CEP112: variants seen among roughly 807,000 people sequenced by gnomAD.
CEP112 encodes centrosomal protein of 112 kDa.
A neutral mutation model predicts 153.0 loss-of-function variants in CEP112; 127 were observed. That is an observed-to-expected ratio of 0.83 (90% CI 0.72 to 0.96). CEP112 has a LOEUF of 0.96. Ranked by LOEUF, CEP112 falls within the 40% of genes least tolerant of loss-of-function variation. The probability of loss-of-function intolerance (pLI) is 0.00; values close to 1 mark genes in which losing one functional copy is unlikely to be tolerated. For missense variants in CEP112, 1,089 were observed against 1,101.2 expected, an observed-to-expected ratio of 0.99 and a Z score of 0.16; for synonymous variants, 358 against 374.4, an observed-to-expected ratio of 0.96 and a Z score of 0.51.
At chr17:66,168,427 A>G (rs567402110) in intron 4 of CEP112, among the ~76,000 whole-genome samples, 32 of 150,560 alleles carry the variant, frequency 2.1e-4, no homozygotes, top group Admixed American at 1.1e-3. Context: ...GTGTGTGTAT[A>G]TATATGTATA....
intron 17 of CEP112, among the ~76,000 whole-genome samples, chr17:65,991,696 T>G (rs2063601073): frequency 6.6e-6 from 1 of 152,158 alleles, no homozygotes; most frequent in Non-Finnish European, 1.5e-5. Context: ...TGTTTACTAT[T>G]CAAGTTTGCA....
At chr17:65,712,548 G>C (rs924234314) in intron 23 of CEP112, among the ~76,000 whole-genome samples, 3 of 151,366 alleles carry the variant, frequency 2.0e-5, no homozygotes, top group Non-Finnish European at 2.9e-5. Context: ...AGGGCTATTC[G>C]CGTCACTATC....
intron 23 of CEP112, 96 bp from the exon 24 acceptor site, chr17:65,689,314 T>TA (rs1398610539): frequency 1.8e-5 from 14 of 773,836 alleles, no homozygotes; most frequent in Non-Finnish European, 2.4e-5. Flanking sequence ...CTCAGATCTC[T>TA]AGTTTATTAC....
chr17:65,821,206 T>A (rs1598686332), intron 21 of CEP112, among the ~76,000 whole-genome samples: 1 of 151,858 alleles, frequency 6.6e-6, no homozygotes, highest in East Asian at 1.9e-4. Context: ...GGCTATGTAA[T>A]TACTGAAATT....
rs1381903623 is a variant in CEP112, at chr17:65,813,020, G to C, written c.2394+38784C>G. 2.0e-5 allele frequency among the ~76,000 whole-genome samples: 3 copies of C among 152,090 alleles called. No homozygotes were observed. The East Asian group carries it at 5.8e-4, about 29-fold the overall frequency. ...AATTAAAGCAGAGAGAAACAATCTA[G>C]AATAAAACATTATTTCAAATAAGAT... On this transcript the variant is annotated intron_variant, in intron 21 of 26. Transcript: ENST00000535342.
In CEP112 at chr17:65,689,241, T is replaced by C. The variant is rs559295479; in HGVS notation, c.2608-23A>G. The C allele has an allele frequency of 2.1e-5, 32 of 1,530,874 alleles. No individual in the cohort carries two copies. In the Admixed American group the frequency reaches 4.0e-4, roughly 19 times the overall value. The allele number at this position is 1,530,874 out of a possible 1,614,324, so 94.8% of individuals were successfully genotyped here. A position where few individuals can be genotyped will look rare whatever the true frequency, so the allele number is the denominator to read the frequency against. On this transcript the variant is annotated intron_variant, in intron 23 of 26. Coordinates refer to ENST00000535342, the MANE Select transcript of CEP112 (RefSeq NM_001199165.4). ...AACCTGAAACGGTATAAAATAAAGA[T>C]ATCATTAATAATTAGCACACTTGGA...
At chr17:65,776,153 T>G in intron 21 of CEP112, among the ~76,000 whole-genome samples, 1 of 152,164 alleles carries the variant, frequency 6.6e-6, no homozygotes, top group East Asian at 1.9e-4. Flanking sequence ...CACCTCCATC[T>G]CTATGCCACC....
At chr17:66,169,158 T>C in intron 4 of CEP112, among the ~76,000 whole-genome samples, 1 of 152,076 alleles carries the variant, frequency 6.6e-6, no homozygotes, top group East Asian at 1.9e-4. Context: ...AATTATAGTA[T>C]ATCCACATTA....
Position 65,743,248 on chromosome 17 carries a change from A to G in CEP112, c.2458-31T>C, listed in dbSNP as rs371311607. The G allele has an allele frequency of 5.1e-6, 8 of 1,564,164 alleles. No individual in the cohort carries two copies. The African/African-American group carries it at 1.1e-4, about 21-fold the overall frequency. On this transcript the variant is annotated intron_variant, in intron 22 of 26. Transcript: ENST00000535342. ...ATGAAAACAGCATGCTATAACTTCA[A>G]ATTCTTCTGGGAGAGGCATCTATTT...
chr17:65,777,547 A>G (rs1014603674), intron 21 of CEP112, among the ~76,000 whole-genome samples: 11 of 151,902 alleles, frequency 7.2e-5, no homozygotes, highest in African/African-American at 2.7e-4. Flanking sequence ...TTATCATCCC[A>G]CTACCCACAC....
In CEP112 at chr17:65,860,557, A is replaced by T. The variant is rs531109797; in HGVS notation, c.2164-8523T>A. Among the ~76,000 whole-genome samples, 7 of 152,322 alleles carry T rather than the reference A, an allele frequency of 4.6e-5. No individual in the cohort carries two copies. In the South Asian group the frequency reaches 1.5e-3, roughly 32 times the overall value. On this transcript the variant is annotated intron_variant, in intron 20 of 26. Coordinates refer to ENST00000535342, the MANE Select transcript of CEP112 (RefSeq NM_001199165.4). Reference sequence around the variant, plus strand: ...AGTCTTATCATAGAGAACAGAAAAAAATTGACCAATGAAACAGAATTGAGA... The same window carrying T: ...AGTCTTATCATAGAGAACAGAAAAATATTGACCAATGAAACAGAATTGAGA...
chr17:65,742,954 G>A, intron 23 of CEP112, 114 bp downstream of exon 23: 1 of 739,374 alleles, frequency 1.4e-6, no homozygotes, highest in Non-Finnish European at 2.1e-6. Flanking sequence ...ATTACTGCAG[G>A]CTGTGTGAAC....
chr17:65,970,967 G>C (rs1381889776), intron 17 of CEP112, among the ~76,000 whole-genome samples: 3 of 151,140 alleles, frequency 2.0e-5, no homozygotes, highest in African/African-American at 7.4e-5. Context: ...TTACATGTTG[G>C]CCAGGCTGAT....
At chr17:66,024,245 A>G (rs1252847065) in intron 16 of CEP112, among the ~76,000 whole-genome samples, 1 of 152,070 alleles carries the variant, frequency 6.6e-6, no homozygotes, top group Non-Finnish European at 1.5e-5. Context: ...AGTAATCCCA[A>G]TAAGAACTGG....
chr17:66,080,017 A>G (rs1280774989), intron 8 of CEP112, among the ~76,000 whole-genome samples: 1 of 152,228 alleles, frequency 6.6e-6, no homozygotes, highest in African/African-American at 2.4e-5. Context: ...CTCAAGATGG[A>G]TTAAAGACTT....
intron 23 of CEP112, among the ~76,000 whole-genome samples, chr17:65,694,939 A>C (rs539035945): frequency 1.3e-5 from 2 of 152,362 alleles, no homozygotes; most frequent in South Asian, 4.1e-4. Context: ...AACAAAACCC[A>C]ACTTGAACAG....
intron 23 of CEP112, among the ~76,000 whole-genome samples, chr17:65,725,154 TTAGA>T (rs1483688903): frequency 1.3e-5 from 2 of 152,210 alleles, no homozygotes; most frequent in African/African-American, 2.4e-5. Context: ...AACTGAAGGC[TTAGA>T]TATTTAACTA....
intron 6 of CEP112, among the ~76,000 whole-genome samples, chr17:66,113,948 T>C (rs2069168453): frequency 6.6e-6 from 1 of 152,216 alleles, no homozygotes; most frequent in Non-Finnish European, 1.5e-5. Flanking sequence ...CTTGAAGCAA[T>C]CTGTAAACAG....
chr17:65,869,579 C>T (rs994327480), intron 20 of CEP112, among the ~76,000 whole-genome samples: 6 of 120,230 alleles, frequency 5.0e-5, no homozygotes, highest in Non-Finnish European at 7.0e-5. Flanking sequence ...GATAAACTTT[C>T]TTTTTTTTTT....
Sources: gnomAD v4.1 joint callset for allele counts (sites outside exome capture counted in the v4.1 genomes callset) on GRCh38, gnomAD v4.1.1 for gene constraint, MANE v1.5 for transcripts, NCBI Gene and HGNC (gene_info 2026-07-23, HGNC 2026-07-21) for gene names.